The following PCDHGB1 variants were observed in gnomAD, a reference collection of about 807,000 sequenced individuals.
PCDHGB1 encodes protocadherin gamma-B1.
In PCDHGB1, 34 loss-of-function variants were observed where a neutral mutation model predicts 56.6. That is an observed-to-expected ratio of 0.60 (90% CI 0.46 to 0.80). The LOEUF (loss-of-function observed/expected upper bound fraction) is 0.80. PCDHGB1 is among the 30% of genes least tolerant of loss of function. PCDHGB1 has a pLI of 0.00. For synonymous variants in PCDHGB1, 561 were observed against 505.9 expected (o/e 1.11, Z -1.46); for missense variants, 1,278 against 1,204.6 (o/e 1.06, Z -0.90).
At chr5:141,395,359 G>T in intron 1 of PCDHGB1, 2 of 1,289,368 alleles carry the variant, frequency 1.6e-6, no homozygotes, top group East Asian at 5.1e-5. Flanking sequence ...CAGAGTTTTG[G>T]GTTTATTTTG....
Position 141,475,063 on chromosome 5 carries a change from C to T in PCDHGB1, c.2410-19744C>T, listed in dbSNP as rs552623067. Among the ~76,000 whole-genome samples the T allele has an allele frequency of 1.1e-4, 16 of 152,320 alleles. No individual in the cohort carries two copies. The South Asian group carries it at 2.9e-3, about 28-fold the overall frequency. The stretch of plus-strand genomic sequence containing the variant: ...TTGTATTTTCTAAAGATTTGTGGAG[C>T]TTTGCTGCCATTATTTCAATAATTT... On this transcript the variant is annotated intron_variant, in intron 1 of 3. Coordinates refer to ENST00000523390, the MANE Select transcript of PCDHGB1 (RefSeq NM_018922.3).
At position 141,365,023 on chromosome 5, in the gene PCDHGB1, G is replaced by A. The variant is rs775697621; in HGVS notation, c.2409+12354G>A. On this transcript the variant is annotated intron_variant, in intron 1 of 3. Transcript: ENST00000523390. Reference sequence around the variant, plus strand: ...CCGGCACCACGCACATCCGTGTTACGGTCCTCGACGCAAACGACAATGCGC... The same window carrying A: ...CCGGCACCACGCACATCCGTGTTACAGTCCTCGACGCAAACGACAATGCGC... 1.5e-4 allele frequency: 249 copies of A among 1,613,736 alleles called. No homozygotes were observed. The Middle Eastern group carries it at 3.6e-3, about 23-fold the overall frequency.
At chr5:141,385,302 A>G in intron 1 of PCDHGB1, 1 of 1,613,202 alleles carries the variant, frequency 6.2e-7, no homozygotes, top group Admixed American at 1.7e-5. Flanking sequence ...AGGAATGTAA[A>G]GAAAACCTGC....
chr5:141,492,111 C>T (rs2154587044), intron 1 of PCDHGB1, among the ~76,000 whole-genome samples: 1 of 152,320 alleles, frequency 6.6e-6, no homozygotes, highest in South Asian at 2.1e-4. Context: ...ATTTCCTCTT[C>T]GATTTCTCCC....
chr5:141,404,361 C>A, intron 1 of PCDHGB1: 3 of 1,613,956 alleles, frequency 1.9e-6, no homozygotes, highest in Non-Finnish European at 2.5e-6. Context: ...AGAGGTACTT[C>A]CATCTTCTCC....
At position 141,476,458 on chromosome 5, in the gene PCDHGB1, C is replaced by A. The variant is rs368153419; in HGVS notation, c.2410-18349C>A. Reference sequence around the variant, plus strand: ...TAACTCTGGAGTTGGTAGTGGAGAACCCGCTGGAGCTGTTCAGCGTGGAAG... The same window carrying A: ...TAACTCTGGAGTTGGTAGTGGAGAAACCGCTGGAGCTGTTCAGCGTGGAAG... On this transcript the variant is annotated intron_variant, in intron 1 of 3. Transcript: ENST00000523390. This position sits in a 1 kb window ranked among gnomAD's most constrained non-coding sequence, Gnocchi z 7.6. 1 of 1,613,928 alleles carries A rather than the reference C, an allele frequency of 6.2e-7. No individual in the cohort carries two copies. Among genetic ancestry groups the A allele is most frequent in the Non-Finnish European group, 8.5e-7 (1 of 1,180,022 alleles).
At chr5:141,418,147 C>A (rs781655205) in intron 1 of PCDHGB1, 3 of 1,614,040 alleles carry the variant, frequency 1.9e-6, no homozygotes, top group Non-Finnish European at 2.5e-6. Flanking sequence ...AGCAAATATG[C>A]AAAGAGAGAA....
intron 1 of PCDHGB1, chr5:141,360,621 T>A: frequency 6.2e-7 from 1 of 1,614,026 alleles, no homozygotes; most frequent in Non-Finnish European, 8.5e-7. Flanking sequence ...ATTCAGATGT[T>A]GGTCCTAACT....
intron 1 of PCDHGB1, among the ~76,000 whole-genome samples, chr5:141,479,998 G>A (rs2099511091): frequency 6.6e-6 from 1 of 152,272 alleles, no homozygotes; most frequent in South Asian, 2.1e-4. Flanking sequence ...AGGAGTCTGT[G>A]GCCAAGTTAC....
chr5:141,394,514 C>T, intron 1 of PCDHGB1: 1 of 1,614,230 alleles, frequency 6.2e-7, no homozygotes. Flanking sequence ...ACCCCGCCCT[C>T]CCCACAGACG....
At chr5:141,446,718 C>G (rs1279970040) in intron 1 of PCDHGB1, among the ~76,000 whole-genome samples, 1 of 152,174 alleles carries the variant, frequency 6.6e-6, no homozygotes, top group Non-Finnish European at 1.5e-5. Flanking sequence ...CTGCCCGCCT[C>G]GGCCTCCCAA....
In PCDHGB1 at chr5:141,432,139, T is replaced by A. The variant is rs950514553; in HGVS notation, c.2410-62668T>A. ...TCCCTCAGGCCTCCTATTCCGCTTA[T>A]ATCCCAGAGAACAATCCCAGAGGAG... is the stretch of plus-strand genomic sequence containing the variant. On this transcript the variant is annotated intron_variant, in intron 1 of 3. Transcript: ENST00000523390. The surrounding 1 kb of genome is among the most constrained non-coding windows in gnomAD (Gnocchi z 6.0). The A allele has an allele frequency of 6.8e-6, 11 of 1,613,976 alleles. No individual in the cohort carries two copies. Among genetic ancestry groups the A allele is most frequent in the Non-Finnish European group, 9.3e-6 (11 of 1,180,032 alleles).
At chr5:141,415,002 C>T in intron 1 of PCDHGB1, 2 of 1,613,668 alleles carry the variant, frequency 1.2e-6, no homozygotes, top group East Asian at 2.2e-5. Flanking sequence ...CCTGGCTGTC[C>T]TACCGTCTGC....
chr5:141,440,444 C>G (rs2098178389), intron 1 of PCDHGB1: 1 of 152,038 alleles, frequency 6.6e-6, no homozygotes, highest in Admixed American at 6.6e-5. Context: ...AAGGCGCCAT[C>G]TCAAAAAAAA....
chr5:141,404,796 G>T, intron 1 of PCDHGB1: 1 of 1,613,970 alleles, frequency 6.2e-7, no homozygotes, highest in Non-Finnish European at 8.5e-7. Flanking sequence ...AGTGAGCCAG[G>T]GCTCTTCTCG....
In PCDHGB1 at chr5:141,487,227, G is replaced by A. The variant is rs763361726; in HGVS notation, c.2410-7580G>A. The A allele has an allele frequency of 6.2e-7, 1 of 1,614,070 alleles. No individual in the cohort carries two copies. Among genetic ancestry groups the A allele is most frequent in the Non-Finnish European group, 8.5e-7 (1 of 1,179,952 alleles). On this transcript the variant is annotated intron_variant, in intron 1 of 3. Transcript: ENST00000523390. The surrounding 1 kb of genome is among the most constrained non-coding windows in gnomAD (Gnocchi z 5.0). The stretch of plus-strand genomic sequence containing the variant: ...CGAGAATCTTCAGCTCCAAGGGAAG[G>A]AGAATCTCGTCTAACCCTCTACTTG...
rs779871354 is a variant in PCDHGB1 at position 141,428,131 on chromosome 5, G to A, written c.2410-66676G>A. 8.7e-6 allele frequency: 14 copies of A among 1,602,720 alleles called. No homozygotes were observed. The South Asian group carries it at 1.5e-4, about 18-fold the overall frequency. On this transcript the variant is annotated intron_variant, in intron 1 of 3. Transcript: ENST00000523390. ...CAGGCCATCGAGCCCGGGCTTTTCA[G>A]CCTGGGGCTGCACACGGGAACCTGC...
rs374049261 is a variant in PCDHGB1, at chr5:141,393,657, C to T, written c.2409+40988C>T. ...CAACGGAAAAGTGGCATACAAATTC[C>T]GGAAAATTAATGAAAAACAAACTCC... On this transcript the variant is annotated intron_variant, in intron 1 of 3. Coordinates refer to ENST00000523390, the MANE Select transcript of PCDHGB1 (RefSeq NM_018922.3). The T allele has an allele frequency of 3.5e-5, 57 of 1,613,744 alleles. No individual in the cohort carries two copies. In the African/African-American group the frequency reaches 6.5e-4, roughly 19 times the overall value.
chr5:141,388,698 G>T (rs752631718), intron 1 of PCDHGB1: 2 of 1,613,886 alleles, frequency 1.2e-6, no homozygotes, highest in Admixed American at 1.7e-5. Context: ...CCAGGATGAG[G>T]GTGTCAATGC....
Sources: allele counts gnomAD v4.1 joint callset (sites outside exome capture counted in the v4.1 genomes callset), GRCh38; gene constraint gnomAD v4.1.1; non-coding constraint Gnocchi (gnomAD v3.1); transcripts MANE v1.5; gene names NCBI Gene and HGNC (gene_info 2026-07-23, HGNC 2026-07-21).